The following GABRA3 variants were observed in gnomAD, a reference collection of about 807,000 sequenced individuals.
The protein encoded by GABRA3 is gamma-aminobutyric acid type A receptor subunit alpha3.
A neutral mutation model predicts 30.1 loss-of-function variants in GABRA3; 10 were observed. The ratio of observed to expected loss-of-function variants is 0.33; its 90% CI spans 0.20 to 0.56. The LOEUF is 0.56. GABRA3 is among the 20% of genes least tolerant of loss of function. The pLI, the probability that GABRA3 is intolerant of heterozygous loss-of-function variation, is 0.89. For synonymous variants in GABRA3, 151 were observed against 146.8 expected (o/e 1.03, Z -0.21); for missense variants, 233 against 392.0 (o/e 0.59, Z 3.42).
intron 5 of GABRA3, among the ~76,000 whole-genome samples, chrX:152,228,755 A>C (rs1338511279): frequency 9.0e-6 from 1 of 111,246 alleles, no homozygotes; most frequent in Non-Finnish European, 1.9e-5. Context: ...GCTTTTGTCC[A>C]AGACACATCG....
chrX:152,169,611 C>T (rs1010879135), intron 9 of GABRA3, among the ~76,000 whole-genome samples: 4 of 111,812 alleles, frequency 3.6e-5, no homozygotes, highest in Non-Finnish European at 5.6e-5. Flanking sequence ...AGGAGGCCAA[C>T]CCCAGCCCCA....
At chrX:152,250,993 G>C (rs182227973) in intron 5 of GABRA3, 85 of 222,412 alleles carry the variant, frequency 3.8e-4, no homozygotes, top group Non-Finnish European at 6.3e-4. Context: ...GAAAGTGAAC[G>C]GTTTGTGACT....
intron 1 of GABRA3, among the ~76,000 whole-genome samples, chrX:152,440,634 C>G: frequency 8.9e-6 from 1 of 112,215 alleles, no homozygotes; most frequent in East Asian, 2.8e-4. Context: ...CAGTGATAGA[C>G]TGGATAAAGA....
chrX:152,342,382 G>T (rs1389592287), intron 3 of GABRA3, among the ~76,000 whole-genome samples: 3 of 111,860 alleles, frequency 2.7e-5, no homozygotes, highest in Non-Finnish European at 5.6e-5. Flanking sequence ...TATATTTTCT[G>T]CCCCCTTCAG....
chrX:152,182,849 T>C (rs1937202901), intron 9 of GABRA3, among the ~76,000 whole-genome samples: 2 of 93,381 alleles, frequency 2.1e-5, no homozygotes, highest in South Asian at 9.7e-4. Context: ...ATAAATACTA[T>C]AGTATATATA....
intron 5 of GABRA3, among the ~76,000 whole-genome samples, chrX:152,230,524 C>T (rs1233953047): frequency 9.0e-6 from 1 of 110,610 alleles, no homozygotes; most frequent in Non-Finnish European, 1.9e-5. Flanking sequence ...ATAGCCAAAG[C>T]ATCTTTCAAA....
intron 3 of GABRA3, among the ~76,000 whole-genome samples, chrX:152,319,023 C>T (rs1052992349): frequency 2.7e-5 from 3 of 111,386 alleles, no homozygotes; most frequent in African/African-American, 9.8e-5. Context: ...GCATCAAAAT[C>T]GGTAAAGAGG....
intron 6 of GABRA3, among the ~76,000 whole-genome samples, chrX:152,222,111 C>T (rs1208063043): frequency 9.0e-6 from 1 of 110,834 alleles, no homozygotes; most frequent in South Asian, 3.8e-4. Flanking sequence ...TTTCTTTATT[C>T]AGTCTATTAT....
chrX:152,297,722 A>G (rs1939555822), intron 3 of GABRA3, among the ~76,000 whole-genome samples: 1 of 112,338 alleles, frequency 8.9e-6, no homozygotes, highest in African/African-American at 3.2e-5. Context: ...TTTAAGGTCC[A>G]TTTCAAAAAA....
intron 2 of GABRA3, among the ~76,000 whole-genome samples, chrX:152,358,971 T>C (rs1241317476): frequency 1.8e-5 from 2 of 111,694 alleles, no homozygotes; most frequent in East Asian, 2.8e-4. Flanking sequence ...TGCTACATTT[T>C]ATTGAGGATT....
At chrX:152,259,186 T>A (rs946984896) in intron 4 of GABRA3, among the ~76,000 whole-genome samples, 2 of 112,051 alleles carry the variant, frequency 1.8e-5, no homozygotes, top group African/African-American at 6.5e-5. Context: ...ATCCTAGCCC[T>A]AGCCAGAGGG....
chrX:152,431,113 G>A (rs1443749897), intron 1 of GABRA3, among the ~76,000 whole-genome samples: 11 of 111,670 alleles, frequency 9.9e-5, no homozygotes, highest in East Asian at 5.6e-4. Flanking sequence ...AAAGAAAGAC[G>A]AAATTGAGCA....
At chrX:152,257,382 C>T (rs1039320029) in intron 4 of GABRA3, among the ~76,000 whole-genome samples, 19 of 112,022 alleles carry the variant, frequency 1.7e-4, no homozygotes, top group Non-Finnish European at 3.6e-4. Context: ...GGGGACACTT[C>T]CAGATAGCCA....
At chrX:152,402,811 G>A (rs1392992206) in intron 1 of GABRA3, among the ~76,000 whole-genome samples, 4 of 111,550 alleles carry the variant, frequency 3.6e-5, no homozygotes, top group Non-Finnish European at 7.5e-5. Context: ...GTCTTCCTGG[G>A]GACAGACAAA....
At chrX:152,213,212 T>G (rs1905889925) in intron 6 of GABRA3, among the ~76,000 whole-genome samples, 1 of 111,910 alleles carries the variant, frequency 8.9e-6, no homozygotes, top group South Asian at 3.7e-4. Flanking sequence ...AAGCATTTCT[T>G]TTGAAATATT....
At chrX:152,423,097 TAATG>T (rs1358448017) in intron 1 of GABRA3, among the ~76,000 whole-genome samples, 1 of 112,059 alleles carries the variant, frequency 8.9e-6, no homozygotes, top group Non-Finnish European at 1.9e-5. Flanking sequence ...TTTCATCTAA[TAATG>T]AACAACAAAT....
At position 152,322,844 on chromosome X, in the gene GABRA3, C is replaced by CTTT. The variant is rs1172827692; in HGVS notation, c.262+22734_262+22736dup. 3.3e-4 allele frequency among the ~76,000 whole-genome samples: 20 copies of CTTT among 61,281 alleles called. 1 individual carries two copies. Among genetic ancestry groups the CTTT allele is most frequent in the African/African-American group, 6.4e-4 (9 of 14,012 alleles). 53.2% of individuals were successfully genotyped at this position (61,281 alleles called of 115,157 possible). A position where few individuals can be genotyped will look rare whatever the true frequency, so the allele number is the denominator to read the frequency against. ...CCACTGCACCAGGCCAAAGTCTACTCTTTTTTTTTTTTTTTTTTTTTTTTT... is the reference window on the plus strand; with the variant it reads ...CCACTGCACCAGGCCAAAGTCTACTCTTTTTTTTTTTTTTTTTTTTTTTTTTTT... On this transcript the variant is annotated intron_variant, in intron 3 of 9. Coordinates refer to ENST00000370314, the MANE Select transcript of GABRA3 (RefSeq NM_000808.4).
At chrX:152,174,586 C>T (rs1365737882) in intron 9 of GABRA3, among the ~76,000 whole-genome samples, 5 of 112,097 alleles carry the variant, frequency 4.5e-5, no homozygotes, top group Non-Finnish European at 9.4e-5. Flanking sequence ...GCATAAATGT[C>T]TTCTTTTGAG....
intron 2 of GABRA3, among the ~76,000 whole-genome samples, chrX:152,349,312 A>T (rs1446006289): frequency 9.0e-6 from 1 of 111,149 alleles, no homozygotes; most frequent in Non-Finnish European, 1.9e-5. Context: ...GAAGCGCTAA[A>T]CATGGAGAGG....
Sources: allele counts gnomAD v4.1 joint callset (sites outside exome capture counted in the v4.1 genomes callset), GRCh38; gene constraint gnomAD v4.1.1; transcripts MANE v1.5; gene names NCBI Gene and HGNC (gene_info 2026-07-23, HGNC 2026-07-21).